Variants in KMT2E observed in about 807,000 individuals in gnomAD.
KMT2E encodes the protein lysine methyltransferase 2E (inactive).
KMT2E carries 30 observed loss-of-function variants against 184.6 expected under a neutral mutation model. The observed-to-expected ratio is 0.16, with a 90% CI of 0.12 to 0.22. The LOEUF (loss-of-function observed/expected upper bound fraction) is 0.22, where lower values mean the gene tolerates loss of function less well. Among genes scored for constraint, KMT2E ranks in the 10% least tolerant of loss-of-function variants. The probability of loss-of-function intolerance (pLI) is 1.00; values close to 1 mark genes in which losing one functional copy is unlikely to be tolerated. For missense variants in KMT2E, 2,023 were observed against 2,237.4 expected (o/e 0.90, Z 1.93); for synonymous variants, 815 against 776.5 (o/e 1.05, Z -0.82).
Position 105,113,271 on chromosome 7 carries a change from A to T in KMT2E, c.5515A>T (p.Ile1839Phe), listed in dbSNP as rs140297932. The T allele has an allele frequency of 2.5e-6, 4 of 1,614,056 alleles. No individual in the cohort carries two copies. Among genetic ancestry groups the T allele is most frequent in the Non-Finnish European group, 3.4e-6 (4 of 1,180,010 alleles). ...ATCTCCAGTGCCTGGACAGATTCCA[A>T]TTCACAGAGCACAGGTGCCACCAAC... ...QASPVPGQIPIHRAQVPPTFQ... is the reference protein window; with the variant it reads ...QASPVPGQIPFHRAQVPPTFQ... The change falls in exon 27 of 27, where the codon ATT becomes TTT. Residue 1839 changes from isoleucine (I) to phenylalanine (F), a missense_variant. Ile to Phe is a conservative substitution (Grantham distance 21). Coordinates refer to ENST00000311117, the MANE Select transcript of KMT2E (RefSeq NM_182931.3).
At chr7:105,037,470 C>T (rs534025733) in intron 1 of KMT2E, among the ~76,000 whole-genome samples, 1 of 152,062 alleles carries the variant, frequency 6.6e-6, no homozygotes, top group Admixed American at 6.6e-5. Context: ...TCAAACAATC[C>T]TCCCATCTCA....
chr7:105,051,046 C>T (rs973808846), intron 3 of KMT2E, among the ~76,000 whole-genome samples: 2 of 150,984 alleles, frequency 1.3e-5, no homozygotes, highest in Admixed American at 6.6e-5. Context: ...TCTTTCTTTC[C>T]TTCTTTCTTT....
At chr7:105,065,769 C>T (rs1489439348) in intron 5 of KMT2E, among the ~76,000 whole-genome samples, 1 of 151,916 alleles carries the variant, frequency 6.6e-6, no homozygotes, top group Non-Finnish European at 1.5e-5. Flanking sequence ...AATGAAACCA[C>T]GAAAAGCAAA....
At position 105,113,028 on chromosome 7, in the gene KMT2E, G is replaced by A. The variant is rs1799395494; in HGVS notation, c.5272G>A (p.Val1758Ile). ...PLFPSSAHPTVPPYPSQATHH... is the reference protein window; with the variant it reads ...PLFPSSAHPTIPPYPSQATHH... ...TTTTCCTTCGAGTGCTCATCCAACTGTACCACCGTATCCCTCACAAGCTAC... is the reference window on the plus strand; with the variant it reads ...TTTTCCTTCGAGTGCTCATCCAACTATACCACCGTATCCCTCACAAGCTAC... Residue 1758 changes from valine (V) to isoleucine (I), a missense_variant, in exon 27 of 27, where the codon GTA (valine) becomes ATA (isoleucine). Transcript: ENST00000311117. 2 of 1,613,802 alleles carry A rather than the reference G, an allele frequency of 1.2e-6. No individual in the cohort carries two copies. The highest frequency in any genetic ancestry group is 1.7e-6 in the Non-Finnish European group (2 of 1,179,974).
intron 19 of KMT2E, 37 bp from the exon 20 acceptor site, chr7:105,106,485 C>A: frequency 6.5e-7 from 1 of 1,534,366 alleles, no homozygotes; most frequent in Non-Finnish European, 9.0e-7. Context: ...CAAATAGCAA[C>A]AGTGTAATTT....
chr7:105,075,239 C>G (rs966490389), intron 8 of KMT2E, among the ~76,000 whole-genome samples: 1 of 150,060 alleles, frequency 6.7e-6, no homozygotes, highest in Non-Finnish European at 1.5e-5. Context: ...TGTCTACACA[C>G]AAATTTATTT....
chr7:105,061,503 A>T (rs1286834184), intron 3 of KMT2E, among the ~76,000 whole-genome samples: 1 of 152,134 alleles, frequency 6.6e-6, no homozygotes, highest in Non-Finnish European at 1.5e-5. Flanking sequence ...AAGAGTAAAG[A>T]AGTTGGGAAA....
intron 1 of KMT2E, among the ~76,000 whole-genome samples, chr7:105,025,580 C>T (rs1398285282): frequency 6.6e-6 from 1 of 152,050 alleles, no homozygotes; most frequent in Admixed American, 6.5e-5. Flanking sequence ...ATACTAATGT[C>T]CATGTATGTT....
At chr7:105,091,525 G>GA in intron 15 of KMT2E, 1 of 582,646 alleles carries the variant, frequency 1.7e-6, no homozygotes, top group Non-Finnish European at 3.1e-6. Context: ...AAGAATGTAT[G>GA]ACATTTAAGA....
chr7:105,110,491 T>C lies in KMT2E; in HGVS notation c.3859T>C (p.Cys1287Arg). The stretch of plus-strand genomic sequence containing the variant: ...TTCATCTCTAGGGGGAGAATCACCA[T>C]GTGTCTCATGTTCACCGAGTCATGT... ...KDKDSGGESP[C>R]VSCSPSHVQS... is the part of the protein sequence containing the mutation. Residue 1287 changes from cysteine to arginine, a missense_variant, in exon 25 of 27, where the codon TGT (cysteine) becomes CGT (arginine). Cys to Arg is a radical substitution (Grantham distance 180). Coordinates refer to ENST00000311117, the MANE Select transcript of KMT2E (RefSeq NM_182931.3). 1 of 1,614,212 alleles carries C rather than the reference T, an allele frequency of 6.2e-7. No homozygotes were observed. The highest frequency in any genetic ancestry group is 1.3e-5 in the African/African-American group (1 of 75,058).
intron 1 of KMT2E, among the ~76,000 whole-genome samples, chr7:105,036,261 C>T (rs1795654295): frequency 6.7e-6 from 1 of 149,998 alleles, no homozygotes. Flanking sequence ...CAACCTCTGT[C>T]TCCTGGGTTC....
At position 105,090,992 on chromosome 7, in the gene KMT2E, T is replaced by C. The variant is rs1176731817; in HGVS notation, c.1624-224T>C. Among the ~76,000 whole-genome samples the C allele has an allele frequency of 2.6e-5, 4 of 152,314 alleles. No individual in the cohort carries two copies. The East Asian group carries it at 7.7e-4, about 29-fold the overall frequency. On this transcript the variant is annotated intron_variant, in intron 14 of 26. Transcript: ENST00000311117. Reference sequence around the variant, plus strand: ...CCATGCTACCATATTTGACCTATATTGATAAAAACTTGATTGGCTAAAATT... The same window carrying C: ...CCATGCTACCATATTTGACCTATATCGATAAAAACTTGATTGGCTAAAATT...
chr7:105,064,941 T>C (rs1796969287), intron 5 of KMT2E, among the ~76,000 whole-genome samples: 1 of 152,168 alleles, frequency 6.6e-6, no homozygotes, highest in Non-Finnish European at 1.5e-5. Flanking sequence ...GTTCTTCTTT[T>C]GATATAACGG....
intron 6 of KMT2E, among the ~76,000 whole-genome samples, chr7:105,071,801 T>C (rs13221904): frequency 6.6e-6 from 1 of 150,950 alleles, no homozygotes; most frequent in Non-Finnish European, 1.5e-5. Context: ...ATGCCCACTT[T>C]CCCAAGCCTC....
At chr7:105,041,263 A>G (rs1275117392) in intron 3 of KMT2E, among the ~76,000 whole-genome samples, 2 of 152,084 alleles carry the variant, frequency 1.3e-5, no homozygotes, top group Non-Finnish European at 1.5e-5. Context: ...AGGTATTGAC[A>G]TGACTTATTT....
intron 15 of KMT2E, among the ~76,000 whole-genome samples, chr7:105,092,739 C>A (rs1798256123): frequency 6.6e-6 from 1 of 152,002 alleles, no homozygotes; most frequent in African/African-American, 2.4e-5. Context: ...TAGTATTGTT[C>A]TGTTTATTCT....
intron 13 of KMT2E, chr7:105,089,229 C>G (rs1228131254): frequency 9.9e-6 from 4 of 403,306 alleles, no homozygotes; most frequent in Non-Finnish European, 1.9e-5. Flanking sequence ...GATGCAGTCT[C>G]ACTCTGTCAC....
At chr7:105,030,393 T>G (rs1795359462) in intron 1 of KMT2E, among the ~76,000 whole-genome samples, 1 of 152,132 alleles carries the variant, frequency 6.6e-6, no homozygotes, top group African/African-American at 2.4e-5. Context: ...AATTAGTGAA[T>G]TTGAAGAGGA....
At chr7:105,029,861 C>T (rs1320015556) in intron 1 of KMT2E, among the ~76,000 whole-genome samples, 1 of 151,916 alleles carries the variant, frequency 6.6e-6, no homozygotes, top group East Asian at 1.9e-4. Context: ...GAGGACTGAG[C>T]CTGGGGGCAA....
Sources: gnomAD v4.1 joint callset for allele counts (sites outside exome capture counted in the v4.1 genomes callset) on GRCh38, gnomAD v4.1.1 for gene constraint, MANE v1.5 for transcripts, NCBI Gene and HGNC (gene_info 2026-07-23, HGNC 2026-07-21) for gene names.